The following SARNP variants were observed in gnomAD, a reference collection of about 807,000 sequenced individuals.
The protein encoded by SARNP is SAP domain containing ribonucleoprotein.
A neutral mutation model predicts 38.1 loss-of-function variants in SARNP; 5 were observed. The ratio of observed to expected loss-of-function variants is 0.13; its 90% CI spans 0.07 to 0.28. The LOEUF (loss-of-function observed/expected upper bound fraction) is 0.28. SARNP is among the 10% of genes least tolerant of loss of function. The probability of loss-of-function intolerance (pLI) is 1.00; values close to 1 mark genes in which losing one functional copy is unlikely to be tolerated. For missense variants in SARNP, 180 were observed against 243.9 expected, an observed-to-expected ratio of 0.74 and a Z score of 1.75; for synonymous variants, 84 against 80.6, an observed-to-expected ratio of 1.04 and a Z score of -0.23.
intron 1 of SARNP, among the ~76,000 whole-genome samples, chr12:55,812,372 A>AT (rs1346365966): frequency 6.6e-6 from 1 of 152,046 alleles, no homozygotes; most frequent in Non-Finnish European, 1.5e-5. Context: ...TTTACTTTTT[A>AT]TTTTGCCTTC....
In SARNP at chr12:55,766,112, G is replaced by A. The variant is rs117322924; in HGVS notation, c.502-5472C>T. Among the ~76,000 whole-genome samples the A allele has an allele frequency of 2.9e-3, 435 of 152,248 alleles. 1 individual carries two copies. The highest frequency in any genetic ancestry group is 5.0e-3 in the Admixed American group (77 of 15,286). On this transcript the variant is annotated intron_variant, in intron 9 of 10. Transcript: ENST00000336133. ...GTGCACAAATGGGGTTGTGGCATCT[G>A]CAGGCAGCAGTGACCCCTCTAGCTC...
chr12:55,787,241 T>TAAAAAAAAAA (rs4016515), intron 9 of SARNP, among the ~76,000 whole-genome samples: 1 of 103,452 alleles, frequency 9.7e-6, no homozygotes, highest in African/African-American at 3.4e-5. Context: ...CAAAAAAGAC[T>TAAAAAAAAAA]AAAAAAAAAA....
At chr12:55,814,939 A>G (rs1017666932) in intron 1 of SARNP, among the ~76,000 whole-genome samples, 5 of 152,150 alleles carry the variant, frequency 3.3e-5, no homozygotes, top group Admixed American at 3.3e-4. Context: ...TTGATATGAC[A>G]TTACATATCA....
At chr12:55,765,402 T>C (rs1159397319) in intron 9 of SARNP, among the ~76,000 whole-genome samples, 2 of 152,146 alleles carry the variant, frequency 1.3e-5, no homozygotes, top group African/African-American at 4.8e-5. Flanking sequence ...TGTCGTGCAG[T>C]AGCATGATCA....
intron 9 of SARNP, among the ~76,000 whole-genome samples, chr12:55,779,214 T>C (rs1879272036): frequency 1.3e-5 from 2 of 152,308 alleles, no homozygotes; most frequent in East Asian, 1.9e-4. Flanking sequence ...GTTATTCAAA[T>C]GGAAGAAGGA....
intron 10 of SARNP, among the ~76,000 whole-genome samples, chr12:55,758,850 G>C (rs567488733): frequency 2.6e-5 from 4 of 151,080 alleles, no homozygotes; most frequent in African/African-American, 9.7e-5. Context: ...TTCTTCATAA[G>C]TTACCTAGTC....
At chr12:55,797,375 G>A (rs768543708) in intron 4 of SARNP, among the ~76,000 whole-genome samples, 1 of 152,130 alleles carries the variant, frequency 6.6e-6, no homozygotes, top group African/African-American at 2.4e-5. Flanking sequence ...GAGAACTTCA[G>A]GCCAAACATG....
At chr12:55,756,144 G>C (rs1228776863), downstream of SARNP, 1 of 152,228 alleles carries the variant, frequency 6.6e-6, no homozygotes, top group Non-Finnish European at 1.5e-5. Context: ...ATCAGAGCCT[G>C]AGGTAAAGAA....
At chr12:55,764,531 C>CAAA (rs1046165926) in intron 9 of SARNP, among the ~76,000 whole-genome samples, 1 of 65,230 alleles carries the variant, frequency 1.5e-5, no homozygotes, top group Non-Finnish European at 3.2e-5. Context: ...AACTCCATTT[C>CAAA]AAAAAAAAAA....
intron 9 of SARNP, among the ~76,000 whole-genome samples, chr12:55,768,319 A>T (rs1878906485): frequency 6.6e-6 from 1 of 150,632 alleles, no homozygotes. Flanking sequence ...TAGTAGAGAC[A>T]GGGTTTCTCC....
downstream of SARNP, chr12:55,756,675 TG>T (rs1296869671): frequency 6.6e-6 from 1 of 152,244 alleles, no homozygotes; most frequent in African/African-American, 2.4e-5. Flanking sequence ...TACATGAACT[TG>T]AAGCCTCCAG....
intron 9 of SARNP, among the ~76,000 whole-genome samples, chr12:55,772,393 C>T (rs1041612344): frequency 6.6e-6 from 1 of 152,146 alleles, no homozygotes; most frequent in Non-Finnish European, 1.5e-5. Context: ...ATTTGAAGCC[C>T]AAGAACACAG....
At chr12:55,773,127 G>C (rs757342408) in intron 9 of SARNP, among the ~76,000 whole-genome samples, 3 of 152,152 alleles carry the variant, frequency 2.0e-5, no homozygotes, top group Admixed American at 6.5e-5. Context: ...TAGGAAAACA[G>C]ATTATTTTCA....
chr12:55,775,266 G>GA (rs1222580638), intron 9 of SARNP, among the ~76,000 whole-genome samples: 2 of 140,504 alleles, frequency 1.4e-5, no homozygotes, highest in Non-Finnish European at 3.0e-5. Flanking sequence ...AAAAGAACAT[G>GA]AAAAAAAGAT....
At chr12:55,760,694 A>G in intron 9 of SARNP, 54 bp from the exon 10 acceptor site, 11 of 1,178,812 alleles carry the variant, frequency 9.3e-6, no homozygotes, top group Non-Finnish European at 1.3e-5. Flanking sequence ...TTCACCAAGT[A>G]AATGGGAATG....
chr12:55,789,953 A>AG (rs1879615807), intron 8 of SARNP, among the ~76,000 whole-genome samples: 1 of 151,508 alleles, frequency 6.6e-6, no homozygotes, highest in South Asian at 2.1e-4. Flanking sequence ...CAAAAAAAAA[A>AG]AAAAAAAAAA....
chr12:55,798,499 A>AAAAT (rs947959404), intron 4 of SARNP, among the ~76,000 whole-genome samples: 2 of 152,224 alleles, frequency 1.3e-5, no homozygotes, highest in African/African-American at 4.8e-5. Context: ...CCCTGTCTCA[A>AAAAT]AAATAAATAA....
chr12:55,801,589 T>C (rs777529441), intron 2 of SARNP, among the ~76,000 whole-genome samples: 25 of 152,164 alleles, frequency 1.6e-4, no homozygotes, highest in Non-Finnish European at 2.8e-4. Context: ...TACTTAAGGA[T>C]AGCACAAAGA....
intron 1 of SARNP, among the ~76,000 whole-genome samples, chr12:55,806,979 A>G (rs1880164546): frequency 6.6e-6 from 1 of 152,094 alleles, no homozygotes; most frequent in Admixed American, 6.6e-5. Context: ...ATTTTTAGAG[A>G]CAGTGGTCTC....
Sources: gnomAD v4.1 joint callset for allele counts (sites outside exome capture counted in the v4.1 genomes callset) on GRCh38, gnomAD v4.1.1 for gene constraint, MANE v1.5 for transcripts, NCBI Gene and HGNC (gene_info 2026-07-23, HGNC 2026-07-21) for gene names.